The following FAM20C variants were observed in gnomAD, a reference collection of about 807,000 sequenced individuals.
FAM20C encodes the protein FAM20C golgi associated secretory pathway kinase, also known as extracellular serine/threonine protein kinase FAM20C.
Under a neutral mutation model 51.5 loss-of-function variants are expected in FAM20C, and 40 were observed. That is an observed-to-expected ratio of 0.78 (90% CI 0.60 to 1.01). The LOEUF (loss-of-function observed/expected upper bound fraction) is 1.01, where lower values mean the gene tolerates loss of function less well. Ranked by LOEUF, FAM20C falls within the 50% of genes least tolerant of loss-of-function variation. FAM20C has a pLI of 0.00. For synonymous variants in FAM20C, 406 were observed against 380.6 expected (o/e 1.07, Z -0.78); for missense variants, 861 against 844.7 (o/e 1.02, Z -0.24).
intron 3 of FAM20C, among the ~76,000 whole-genome samples, chr7:237,134 T>A (rs1268079864): frequency 6.6e-6 from 1 of 152,204 alleles, no homozygotes; most frequent in Non-Finnish European, 1.5e-5. Context: ...GAACTGCTTG[T>A]TCTGTGAACA....
At chr7:246,352 G>GCCTC in intron 3 of FAM20C, 63 bp from the exon 4 acceptor site, 1 of 1,385,092 alleles carries the variant, frequency 7.2e-7, no homozygotes, top group Non-Finnish European at 9.9e-7. Context: ...CGTCCCGCCT[G>GCCTC]CCTCCGGCCC....
intron 2 of FAM20C, among the ~76,000 whole-genome samples, chr7:200,832 G>A (rs1786094894): frequency 6.6e-6 from 1 of 152,144 alleles, no homozygotes; most frequent in African/African-American, 2.4e-5. Context: ...GCAGATCCAG[G>A]TCCAGAGCAG....
intron 3 of FAM20C, among the ~76,000 whole-genome samples, chr7:234,989 G>A (rs1787806922): frequency 6.6e-6 from 1 of 152,090 alleles, no homozygotes; most frequent in African/African-American, 2.4e-5. Flanking sequence ...GCAGGGAATG[G>A]GCCACAGTCA....
chr7:217,431 T>TAGGGTAGAGCTGCCTTG (rs1308189226), intron 3 of FAM20C, among the ~76,000 whole-genome samples: 1 of 13,358 alleles, frequency 7.5e-5, no homozygotes, highest in African/African-American at 2.9e-4. Context: ...GAGCTGCATT[T>TAGGGTAGAGCTGCCTTG]GGCTGTTTGT....
chr7:204,409 T>C (rs1364546457), intron 2 of FAM20C, among the ~76,000 whole-genome samples: 1 of 152,208 alleles, frequency 6.6e-6, no homozygotes, highest in East Asian at 1.9e-4. Context: ...TGCGCAGTGG[T>C]CCAGGGCACT....
chr7:219,232 A>C (rs1339888953), intron 3 of FAM20C, among the ~76,000 whole-genome samples: 2 of 152,094 alleles, frequency 1.3e-5, no homozygotes, highest in Non-Finnish European at 2.9e-5. Context: ...TGGGCAGGTG[A>C]ACAGGTGGAG....
At chr7:235,502 CTTGT>C (rs1186320153) in intron 3 of FAM20C, among the ~76,000 whole-genome samples, 3 of 152,104 alleles carry the variant, frequency 2.0e-5, no homozygotes, top group African/African-American at 2.4e-5. Flanking sequence ...ACATAGTCAG[CTTGT>C]TTGTTTTAAT....
intron 3 of FAM20C, among the ~76,000 whole-genome samples, chr7:226,238 C>A (rs1454906754): frequency 1.3e-5 from 2 of 152,150 alleles, no homozygotes; most frequent in African/African-American, 2.4e-5. Context: ...CCATGTCCCA[C>A]CACAGAGGAC....
At chr7:226,773 T>A (rs1167272639) in intron 3 of FAM20C, among the ~76,000 whole-genome samples, 1 of 152,226 alleles carries the variant, frequency 6.6e-6, no homozygotes, top group Non-Finnish European at 1.5e-5. Context: ...AAGGTAGCTG[T>A]CTTCTCCTGC....
Position 256,671 on chromosome 7 carries a change from A to C in FAM20C, c.1271A>C (p.Asp424Ala), listed in dbSNP as rs1284322591. 2.0e-6 allele frequency: 3 copies of C among 1,535,862 alleles called. No individual in the cohort carries two copies. In the East Asian group the frequency reaches 7.3e-5, roughly 38 times the overall value. ...CCCCGCAGGTGGGAGGTGGACCCTG[A>C]CTACTGCGAGGAGGTGAAGCAGACA... ...RKKAEWEVDP[D>A]YCEEVKQTPP... The change falls in exon 7 of 10, where the codon GAC (aspartate) becomes GCC (alanine). Residue 424 changes from aspartate (D) to alanine (A), a missense_variant. Physicochemically the swap from Asp to Ala is moderately radical, Grantham distance 126 (BLOSUM62 -2). Around this residue, in one of 3 missense-constraint regions of FAM20C, gnomAD observed 269 missense variants for 283.8 expected, o/e 0.95. Transcript: ENST00000313766.
chr7:230,382 G>C (rs117698526), intron 3 of FAM20C, among the ~76,000 whole-genome samples: 7,110 of 59,114 alleles, frequency 0.12, 1,553 homozygotes, highest in South Asian at 0.24. Flanking sequence ...TGGGGGGGGG[G>C]GGGAACAGAT....
At position 193,438 on chromosome 7, in the gene FAM20C, C is replaced by T. The variant is rs1418711674; in HGVS notation, c.239C>T (p.Ala80Val). The part of the protein sequence containing the change: ...PPAASSAAGD[A>V]GWPNKHTLRI... ...GCCGCCTCCTCCGCCGCCGGCGACG[C>T]GGGCTGGCCCAACAAGCACACGCTC... Residue 80 changes from alanine (A) to valine (V), a missense_variant, in exon 1 of 10, where the codon GCG becomes GTG. This residue lies in a region of FAM20C where 561 missense variants were observed against 499.8 expected (regional missense o/e 1.12). Coordinates refer to ENST00000313766, the MANE Select transcript of FAM20C (RefSeq NM_020223.4). The T allele has an allele frequency of 7.0e-7, 1 of 1,425,550 alleles. No individual in the cohort carries two copies. The highest frequency in any genetic ancestry group is 9.3e-7 in the Non-Finnish European group (1 of 1,078,960). 88.3% of individuals were successfully genotyped at this position (1,425,550 alleles called of 1,614,324 possible). A position where few individuals can be genotyped will look rare whatever the true frequency, so the allele number is the denominator to read the frequency against.
At chr7:220,122 A>C (rs551622291) in intron 3 of FAM20C, among the ~76,000 whole-genome samples, 1 of 152,318 alleles carries the variant, frequency 6.6e-6, no homozygotes, top group African/African-American at 2.4e-5. Context: ...AGGAAGGTTG[A>C]TCCACCTCAT....
intron 8 of FAM20C, among the ~76,000 whole-genome samples, chr7:257,990 C>A (rs1477227440): frequency 1.7e-4 from 19 of 108,988 alleles, no homozygotes; most frequent in South Asian, 3.0e-4. Flanking sequence ...CAGTGTGGAC[C>A]CACTGCCTGG....
chr7:205,321 A>G lies in FAM20C; in HGVS notation c.785-3577A>G, dbSNP rs1463611827. On this transcript the variant is annotated intron_variant, in intron 2 of 9. Transcript: ENST00000313766. ...GCACCACCACGACGTCAGCCCCCCG[A>G]GTAGCCGGGACCACGGACACGCACC... Among the ~76,000 whole-genome samples the G allele has an allele frequency of 4.0e-4, 60 of 150,892 alleles. 2 individuals are homozygous for G. Among genetic ancestry groups the G allele is most frequent in the Admixed American group, 3.8e-3 (58 of 15,162 alleles).
chr7:245,231 A>C (rs1340004133), intron 3 of FAM20C, among the ~76,000 whole-genome samples: 1 of 152,222 alleles, frequency 6.6e-6, no homozygotes, highest in Non-Finnish European at 1.5e-5. Flanking sequence ...TGGAGCCCAG[A>C]CGGAACACAG....
chr7:206,347 T>C (rs1469115235), intron 2 of FAM20C, among the ~76,000 whole-genome samples: 2 of 152,142 alleles, frequency 1.3e-5, no homozygotes, highest in Non-Finnish European at 2.9e-5. Context: ...ACAATCTGTG[T>C]GGGGCCCTCA....
intron 3 of FAM20C, among the ~76,000 whole-genome samples, chr7:214,306 T>C (rs951295277): frequency 1.8e-4 from 27 of 151,584 alleles, no homozygotes; most frequent in African/African-American, 6.1e-4. Flanking sequence ...GCCTGGGCAA[T>C]AAGAGTGAAA....
chr7:211,882 C>T (rs988536924), intron 3 of FAM20C, among the ~76,000 whole-genome samples: 4 of 152,198 alleles, frequency 2.6e-5, no homozygotes, highest in African/African-American at 7.2e-5. Context: ...CTCAGGCGGG[C>T]GGGCGTGTGC....
Sources: gnomAD v4.1 joint callset for allele counts (sites outside exome capture counted in the v4.1 genomes callset) on GRCh38, gnomAD v4.1.1 for gene constraint, gnomAD v4.1.1 regional missense constraint, MANE v1.5 for transcripts, NCBI Gene and HGNC (gene_info 2026-07-23, HGNC 2026-07-21) for gene names.